Variants in AGBL4 observed in about 807,000 individuals in gnomAD.
The protein encoded by AGBL4 is AGBL carboxypeptidase 4, also known as cytosolic carboxypeptidase 6.
A neutral mutation model predicts 66.4 loss-of-function variants in AGBL4; 58 were observed. That is an observed-to-expected ratio of 0.87 (90% CI 0.71 to 1.09). AGBL4 has a LOEUF of 1.09. Among genes scored for constraint, AGBL4 ranks in the 50% least tolerant of loss-of-function variants. The pLI is 0.00. For missense variants in AGBL4, 579 were observed against 631.0 expected (o/e 0.92, Z 0.88); for synonymous variants, 234 against 222.9 (o/e 1.05, Z -0.44).
intron 1 of AGBL4, among the ~76,000 whole-genome samples, chr1:49,976,748 C>T (rs1267341279): frequency 1.3e-5 from 2 of 152,270 alleles, no homozygotes; most frequent in Non-Finnish European, 2.9e-5. Context: ...GTAATTTTAA[C>T]AAGCAAAACA....
intron 4 of AGBL4, among the ~76,000 whole-genome samples, chr1:49,196,376 TC>T (rs1647255707): frequency 6.6e-6 from 1 of 152,220 alleles, no homozygotes; most frequent in Admixed American, 6.5e-5. Flanking sequence ...TTTGAATATA[TC>T]TGTCTCCTTG....
chr1:48,855,712 G>A (rs886178214), intron 6 of AGBL4, among the ~76,000 whole-genome samples: 2 of 151,250 alleles, frequency 1.3e-5, no homozygotes, highest in African/African-American at 4.9e-5. Context: ...ATTTATAAGG[G>A]CAAAACATCT....
intron 3 of AGBL4, among the ~76,000 whole-genome samples, chr1:49,364,193 T>C (rs2148541116): frequency 1.3e-5 from 2 of 152,320 alleles, no homozygotes; most frequent in Middle Eastern, 3.4e-3. Context: ...CATTCATATT[T>C]AAAAAGGACT....
intron 9 of AGBL4, among the ~76,000 whole-genome samples, chr1:48,598,527 G>A (rs1246589204): frequency 1.3e-5 from 2 of 151,558 alleles, no homozygotes; most frequent in South Asian, 2.1e-4. Flanking sequence ...CTGTAATCCC[G>A]GCACTTTAGG....
chr1:49,545,961 G>A (rs995636923), intron 3 of AGBL4, among the ~76,000 whole-genome samples: 12 of 152,128 alleles, frequency 7.9e-5, no homozygotes, highest in African/African-American at 2.9e-4. Flanking sequence ...TGGTTTGTGA[G>A]AATTGGATGC....
intron 6 of AGBL4, among the ~76,000 whole-genome samples, chr1:48,862,908 A>T (rs1304877837): frequency 1.3e-5 from 2 of 152,200 alleles, no homozygotes; most frequent in Admixed American, 1.3e-4. Flanking sequence ...TCAAAACAAG[A>T]ATATATACAG....
intron 3 of AGBL4, among the ~76,000 whole-genome samples, chr1:49,667,112 C>A (rs1423554731): frequency 2.0e-5 from 3 of 152,088 alleles, no homozygotes; most frequent in African/African-American, 4.8e-5. Flanking sequence ...TGTTAAAGCA[C>A]TTTCCAACTG....
chr1:49,602,793 C>A (rs1281642173), intron 3 of AGBL4, among the ~76,000 whole-genome samples: 6 of 151,002 alleles, frequency 4.0e-5, no homozygotes, highest in Admixed American at 1.3e-4. Flanking sequence ...CCTCCACGTT[C>A]TGCACATATA....
intron 9 of AGBL4, among the ~76,000 whole-genome samples, chr1:48,599,477 C>T (rs968240532): frequency 6.6e-6 from 1 of 152,184 alleles, no homozygotes; most frequent in Non-Finnish European, 1.5e-5. Context: ...TTTTCAAGTT[C>T]ATCATAATCT....
chr1:49,258,892 AGG>A (rs1324808476), intron 3 of AGBL4, among the ~76,000 whole-genome samples: 1 of 152,208 alleles, frequency 6.6e-6, no homozygotes, highest in Non-Finnish European at 1.5e-5. Flanking sequence ...AAAAATCTTA[AGG>A]GCAGCCAGAG....
chr1:49,979,762 T>C (rs1658908351), intron 1 of AGBL4, among the ~76,000 whole-genome samples: 1 of 152,182 alleles, frequency 6.6e-6, no homozygotes, highest in South Asian at 2.1e-4. Flanking sequence ...TGCAATACCA[T>C]AAACTTTGAA....
chr1:48,896,318 A>T (rs3121525), intron 5 of AGBL4, among the ~76,000 whole-genome samples: 1 of 152,098 alleles, frequency 6.6e-6, no homozygotes, highest in East Asian at 1.9e-4. Flanking sequence ...GAACCTTCAC[A>T]ATTTTGGGAA....
At chr1:49,877,054 T>C (rs535754112) in intron 1 of AGBL4, among the ~76,000 whole-genome samples, 29 of 151,874 alleles carry the variant, frequency 1.9e-4, no homozygotes, top group African/African-American at 6.5e-4. Flanking sequence ...TAAGGAGATT[T>C]TGGGCTGAGA....
chr1:49,869,397 T>C (rs1053165782), intron 1 of AGBL4, among the ~76,000 whole-genome samples: 5 of 152,328 alleles, frequency 3.3e-5, no homozygotes, highest in Admixed American at 2.6e-4. Context: ...ATATGCACCA[T>C]GGAATACTAT....
At chr1:48,885,670 T>A (rs1305448152) in intron 5 of AGBL4, among the ~76,000 whole-genome samples, 1 of 152,194 alleles carries the variant, frequency 6.6e-6, no homozygotes, top group Non-Finnish European at 1.5e-5. Context: ...GCATTTTTAA[T>A]CTCTTATTTA....
At chr1:49,809,323 C>T (rs1645046591) in intron 2 of AGBL4, among the ~76,000 whole-genome samples, 1 of 144,842 alleles carries the variant, frequency 6.9e-6, no homozygotes, top group Non-Finnish European at 1.5e-5. Flanking sequence ...CACGACAGGC[C>T]CTGGTGTGTA....
chr1:48,563,516 GGA>G (rs1026221861), intron 11 of AGBL4, among the ~76,000 whole-genome samples: 1 of 151,982 alleles, frequency 6.6e-6, no homozygotes, highest in Non-Finnish European at 1.5e-5. Flanking sequence ...GTCTGAGAGA[GGA>G]GAGAGAGAGA....
chr1:48,907,993 A>G (rs568188233), intron 5 of AGBL4, among the ~76,000 whole-genome samples: 1 of 152,220 alleles, frequency 6.6e-6, no homozygotes, highest in South Asian at 2.1e-4. Context: ...TGGTATCTTG[A>G]GAAGGCTAGG....
chr1:49,175,697 G>C (rs895167636), intron 4 of AGBL4, among the ~76,000 whole-genome samples: 6 of 152,082 alleles, frequency 3.9e-5, no homozygotes, highest in Non-Finnish European at 8.8e-5. Flanking sequence ...TATACAATGA[G>C]ACTAAAAGAT....
Sources: allele counts gnomAD v4.1 joint callset (sites outside exome capture counted in the v4.1 genomes callset), GRCh38; gene constraint gnomAD v4.1.1; transcripts MANE v1.5; gene names NCBI Gene and HGNC (gene_info 2026-07-23, HGNC 2026-07-21).